EHBP1: variants seen among roughly 807,000 people sequenced by gnomAD.
EHBP1 encodes EH domain binding protein 1.
A neutral mutation model predicts 144.0 loss-of-function variants in EHBP1; 55 were observed. The ratio of observed to expected loss-of-function variants is 0.38; its 90% CI spans 0.31 to 0.48. EHBP1 has a LOEUF of 0.48. EHBP1 is among the 20% of genes least tolerant of loss of function. The probability of loss-of-function intolerance (pLI) is 0.98; values close to 1 mark genes in which losing one functional copy is unlikely to be tolerated. For missense variants in EHBP1, 1,200 were observed against 1,364.2 expected (o/e 0.88, Z 1.90); for synonymous variants, 469 against 472.7 (o/e 0.99, Z 0.10).
At chr2:62,811,386 G>T (rs1407231126) in intron 5 of EHBP1, among the ~76,000 whole-genome samples, 2 of 152,204 alleles carry the variant, frequency 1.3e-5, no homozygotes, top group Non-Finnish European at 1.5e-5. Context: ...GAGAAATGTG[G>T]TACTTGTGAC....
In EHBP1 at chr2:62,977,867, T is replaced by A. The variant is rs550284299; in HGVS notation, c.2461-1321T>A. Among the ~76,000 whole-genome samples, 3 of 152,176 alleles carry A rather than the reference T, an allele frequency of 2.0e-5. No homozygotes were observed. In the South Asian group the frequency reaches 6.2e-4, roughly 32 times the overall value. On this transcript the variant is annotated intron_variant, in intron 14 of 22. Transcript: ENST00000431489. Reference sequence around the variant, plus strand: ...TTACTTTATTTCATAGGGAAATGGTTGGGGGGATAGTCAGGGGAGGTTTGG... The same window carrying A: ...TTACTTTATTTCATAGGGAAATGGTAGGGGGGATAGTCAGGGGAGGTTTGG...
At chr2:62,816,261 A>T (rs1401860947) in intron 5 of EHBP1, among the ~76,000 whole-genome samples, 1 of 152,218 alleles carries the variant, frequency 6.6e-6, no homozygotes, top group Non-Finnish European at 1.5e-5. Context: ...CATTGAAGAG[A>T]TTTACAAAAA....
At position 62,722,802 on chromosome 2, in the gene EHBP1, A is replaced by G. The variant is rs540471252; in HGVS notation, c.104+15507A>G. 1.2e-4 allele frequency among the ~76,000 whole-genome samples: 19 copies of G among 152,306 alleles called. No individual in the cohort carries two copies. In the East Asian group the frequency reaches 3.3e-3, roughly 26 times the overall value. ...CAGGTTATTAATACTTTGCAGTAAT[A>G]CCAAAGTGAAGCTGTGTATTCTCTG... On this transcript the variant is annotated intron_variant, in intron 2 of 22. Transcript: ENST00000431489.
intron 2 of EHBP1, among the ~76,000 whole-genome samples, chr2:62,709,030 G>C (rs1243125531): frequency 1.3e-5 from 2 of 152,180 alleles, no homozygotes; most frequent in African/African-American, 4.8e-5. Flanking sequence ...AAAAGATTAT[G>C]AGCAGAAGAG....
Position 62,894,927 on chromosome 2 carries a change from A to AAGAGAG in EHBP1, c.1185+20419_1185+20424dup, listed in dbSNP as rs57403564. Among the ~76,000 whole-genome samples, 872 of 141,056 alleles carry AAGAGAG rather than the reference A, an allele frequency of 6.2e-3. 8 individuals carry two copies. The highest frequency in any genetic ancestry group is 0.014 in the African/African-American group (513 of 37,108). 92.5% of individuals were successfully genotyped at this position (141,056 alleles called of 152,430 possible). A position where few individuals can be genotyped will look rare whatever the true frequency, so the allele number is the denominator to read the frequency against. On this transcript the variant is annotated intron_variant, in intron 10 of 22. Transcript: ENST00000431489. ...CAAGACCCTAGCAAAAACAGAAAGAAAGAGAGAGAGAGAGAGAGAGAGAGA... is the reference window on the plus strand; with the variant it reads ...CAAGACCCTAGCAAAAACAGAAAGAAAGAGAGAGAGAGAGAGAGAGAGAGAGAGAGA...
chr2:62,809,222 C>T (rs752899923), intron 5 of EHBP1, among the ~76,000 whole-genome samples: 10 of 143,200 alleles, frequency 7.0e-5, no homozygotes, highest in Middle Eastern at 3.8e-3. Flanking sequence ...ACCTGGGAGG[C>T]AGAGGTTGCA....
chr2:62,868,145 C>T (rs879529028), intron 9 of EHBP1, among the ~76,000 whole-genome samples: 8 of 152,112 alleles, frequency 5.3e-5, no homozygotes, highest in East Asian at 1.9e-4. Context: ...GAGGCCGAGG[C>T]GGGCGGATCA....
intron 1 of EHBP1, among the ~76,000 whole-genome samples, chr2:62,700,323 A>C (rs1170032807): frequency 6.6e-6 from 1 of 152,206 alleles, no homozygotes; most frequent in Non-Finnish European, 1.5e-5. Flanking sequence ...TACTCAACCT[A>C]ATTTCTATTT....
Position 62,990,771 on chromosome 2 carries a change from A to G in EHBP1, c.2664A>G (p.Pro888=). 1 of 1,613,980 alleles carries G rather than the reference A, an allele frequency of 6.2e-7. No homozygotes were observed. The highest frequency in any genetic ancestry group is 8.5e-7 in the Non-Finnish European group (1 of 1,179,894). Residue 888 remains proline (P), a synonymous_variant, in exon 16 of 23, where the codon CCA becomes CCG. Transcript: ENST00000431489. ...LKLKKLLEVQ[P]QVANSPSSAA... is the part of the protein sequence containing the mutation. Reference sequence around the variant, plus strand: ...TGAAGAAGCTCCTAGAAGTTCAGCCACAGGTGGCAAATTCACCCTCCAGTG... The same window carrying G: ...TGAAGAAGCTCCTAGAAGTTCAGCCGCAGGTGGCAAATTCACCCTCCAGTG...
intron 21 of EHBP1, among the ~76,000 whole-genome samples, chr2:63,040,873 T>G (rs956382204): frequency 2.0e-5 from 3 of 152,142 alleles, no homozygotes; most frequent in African/African-American, 7.2e-5. Context: ...ACCCTTAGAG[T>G]GGACACACAT....
intron 10 of EHBP1, among the ~76,000 whole-genome samples, chr2:62,878,431 A>G (rs995183659): frequency 1.3e-5 from 2 of 152,226 alleles, no homozygotes; most frequent in Admixed American, 1.3e-4. Context: ...TTCCAAAAAA[A>G]ATAAGATGAG....
intron 19 of EHBP1, among the ~76,000 whole-genome samples, chr2:63,017,740 C>T (rs2060542146): frequency 6.6e-6 from 1 of 152,202 alleles, no homozygotes; most frequent in Non-Finnish European, 1.5e-5. Flanking sequence ...ATATTGTTCT[C>T]TTCTCACATT....
At chr2:63,033,864 C>T (rs1046966849) in intron 19 of EHBP1, among the ~76,000 whole-genome samples, 1 of 152,044 alleles carries the variant, frequency 6.6e-6, no homozygotes, top group Non-Finnish European at 1.5e-5. Flanking sequence ...GCATCATATG[C>T]TTCTATCAAG....
intron 5 of EHBP1, among the ~76,000 whole-genome samples, chr2:62,823,456 T>C (rs1477070621): frequency 6.6e-6 from 1 of 152,040 alleles, no homozygotes; most frequent in Admixed American, 6.6e-5. Flanking sequence ...ATAATAGTAA[T>C]TCTCTCTAAA....
chr2:62,932,456 G>GA (rs1487028805), intron 10 of EHBP1, among the ~76,000 whole-genome samples: 1 of 152,126 alleles, frequency 6.6e-6, no homozygotes, highest in African/African-American at 2.4e-5. Context: ...AATGCTAAAT[G>GA]AAATGAATTT....
At chr2:62,752,319 C>T (rs1016895595) in intron 3 of EHBP1, among the ~76,000 whole-genome samples, 8 of 152,162 alleles carry the variant, frequency 5.3e-5, no homozygotes, top group African/African-American at 1.9e-4. Context: ...ATCCTGAGTT[C>T]TAGTTTGATT....
At chr2:62,680,418 C>T (rs981522134) in intron 1 of EHBP1, among the ~76,000 whole-genome samples, 40 of 152,260 alleles carry the variant, frequency 2.6e-4, no homozygotes, top group African/African-American at 9.4e-4. Context: ...AATCATTACT[C>T]ACTGTCAGCT....
At chr2:62,739,308 T>A (rs1350660527) in intron 2 of EHBP1, among the ~76,000 whole-genome samples, 1 of 151,992 alleles carries the variant, frequency 6.6e-6, no homozygotes, top group Admixed American at 6.6e-5. Context: ...AAACACACAA[T>A]TGCAGTAATT....
chr2:62,769,523 G>T lies in EHBP1; in HGVS notation c.259-1816G>T, dbSNP rs190417465. Among the ~76,000 whole-genome samples the T allele has an allele frequency of 1.1e-3, 173 of 152,140 alleles. 2 individuals carry two copies. Among genetic ancestry groups the T allele is most frequent in the African/African-American group, 4.0e-3 (166 of 41,510 alleles). ...GAAATCAGAGATGACACAAACAAGT[G>T]GAGAAACATTCCAGTGCTTGTGAAT... On this transcript the variant is annotated intron_variant, in intron 4 of 22. Coordinates refer to ENST00000431489, the MANE Select transcript of EHBP1 (RefSeq NM_001142616.3).
Sources: gnomAD v4.1 joint callset for allele counts (sites outside exome capture counted in the v4.1 genomes callset) on GRCh38, gnomAD v4.1.1 for gene constraint, MANE v1.5 for transcripts, NCBI Gene and HGNC (gene_info 2026-07-23, HGNC 2026-07-21) for gene names.